The following VPS13B variants were observed in gnomAD, a reference collection of about 807,000 sequenced individuals.
VPS13B encodes the protein vacuolar protein sorting 13 homolog B.
A neutral mutation model predicts 426.4 loss-of-function variants in VPS13B; 285 were observed. The observed-to-expected ratio is 0.67, with a 90% CI of 0.61 to 0.74. The LOEUF is 0.74. Among genes scored for constraint, VPS13B ranks in the 30% least tolerant of loss-of-function variants. The pLI is 0.00. For synonymous variants in VPS13B, 1,676 were observed against 1,676.4 expected (o/e 1.00, Z 0.01); for missense variants, 4,537 against 4,782.6 (o/e 0.95, Z 1.51).
chr8:99,166,331 G>T (rs1812001528), intron 15 of VPS13B, among the ~76,000 whole-genome samples: 1 of 151,980 alleles, frequency 6.6e-6, no homozygotes, highest in African/African-American at 2.4e-5. Context: ...CTTTTTGGAG[G>T]GACAACATTT....
intron 21 of VPS13B, among the ~76,000 whole-genome samples, chr8:99,418,622 C>A (rs899890337): frequency 5.3e-5 from 8 of 151,736 alleles, no homozygotes; most frequent in African/African-American, 1.9e-4. Context: ...CATCTCAGCT[C>A]ACTGCAATCT....
intron 17 of VPS13B, chr8:99,241,003 T>C (rs964726418): frequency 1.3e-5 from 2 of 152,276 alleles, no homozygotes; most frequent in Non-Finnish European, 2.9e-5. Flanking sequence ...ATGCAGAGGA[T>C]ACAAAATTAC....
chr8:99,692,354 C>G (rs28778020), intron 35 of VPS13B, among the ~76,000 whole-genome samples: 31,958 of 131,732 alleles, frequency 0.24, 4,577 homozygotes, highest in South Asian at 0.5. Flanking sequence ...TCTCAGACCA[C>G]AGTGCAATCA....
intron 35 of VPS13B, among the ~76,000 whole-genome samples, chr8:99,672,712 T>C (rs1415015921): frequency 6.6e-6 from 1 of 152,154 alleles, no homozygotes; most frequent in Non-Finnish European, 1.5e-5. Context: ...GCCATTCTTG[T>C]AGGGTTCTAG....
chr8:99,083,668 C>T, intron 3 of VPS13B, among the ~76,000 whole-genome samples: 1 of 131,880 alleles, frequency 7.6e-6, no homozygotes, highest in East Asian at 2.1e-4. Context: ...TAGCATGAAG[C>T]GTTGTTGAAT....
chr8:99,187,300 A>G (rs530368526), intron 16 of VPS13B, among the ~76,000 whole-genome samples: 1 of 152,204 alleles, frequency 6.6e-6, no homozygotes, highest in Non-Finnish European at 1.5e-5. Flanking sequence ...TAAAATGCTT[A>G]TAGAATAAAA....
At chr8:99,060,485 T>G (rs2132296528) in intron 3 of VPS13B, among the ~76,000 whole-genome samples, 1 of 152,128 alleles carries the variant, frequency 6.6e-6, no homozygotes, top group East Asian at 1.9e-4. Context: ...GGCAGGCACC[T>G]GTAATCCCAG....
chr8:99,787,191 G>T (rs550010653), intron 43 of VPS13B, among the ~76,000 whole-genome samples: 2 of 152,212 alleles, frequency 1.3e-5, no homozygotes, highest in African/African-American at 2.4e-5. Flanking sequence ...CAAGAAAGTG[G>T]CAGTGACACC....
At chr8:99,703,134 G>T (rs933700676) in intron 36 of VPS13B, among the ~76,000 whole-genome samples, 11 of 152,082 alleles carry the variant, frequency 7.2e-5, no homozygotes, top group Non-Finnish European at 1.3e-4. Context: ...TTTATTTACT[G>T]ATTTATAAAA....
At chr8:99,615,982 A>G (rs1828068447) in intron 33 of VPS13B, among the ~76,000 whole-genome samples, 1 of 152,152 alleles carries the variant, frequency 6.6e-6, no homozygotes, top group South Asian at 2.1e-4. Context: ...AACCTAGTCT[A>G]TGATGATAAT....
At chr8:99,026,287 G>A (rs1048275069) in intron 2 of VPS13B, among the ~76,000 whole-genome samples, 1 of 151,886 alleles carries the variant, frequency 6.6e-6, no homozygotes, top group Non-Finnish European at 1.5e-5. Context: ...TTTAATTTTC[G>A]TGTATTTGTA....
intron 17 of VPS13B, among the ~76,000 whole-genome samples, chr8:99,269,273 CAG>C (rs1268654286): frequency 6.6e-6 from 1 of 152,100 alleles, no homozygotes; most frequent in Non-Finnish European, 1.5e-5. Flanking sequence ...ATTGACTGTG[CAG>C]TATAACTTAT....
chr8:99,699,738 G>A lies in VPS13B; in HGVS notation c.6260G>A (p.Gly2087Asp), dbSNP rs1184175662. The A allele has an allele frequency of 5.0e-6, 8 of 1,614,108 alleles. 1 individual carries two copies. The Admixed American group carries it at 1.0e-4, about 20-fold the overall frequency. ...RGKLSKPKIH[G>D]DGVQKISAQE... ...AAGTTGTCTAAACCCAAAATTCATG[G>A]TGATGGAGTGCAAAAGATTTCAGCT... Residue 2087 changes from glycine to aspartate, a missense_variant, in exon 36 of 62, where the codon GGT becomes GAT. Transcript: ENST00000357162.
rs1829544840 is a variant in VPS13B, at chr8:99,645,468, G to A, written c.5908+2970G>A. Among the ~76,000 whole-genome samples the A allele has an allele frequency of 2.0e-5, 3 of 152,172 alleles. No homozygotes were observed. In the South Asian group the frequency reaches 6.2e-4, roughly 31 times the overall value. The stretch of plus-strand genomic sequence containing the variant: ...TTATTCATGGCCCTGCCATCAATTA[G>A]TAAAGTGATCTTAGGCAGTTTACTC... On this transcript the variant is annotated intron_variant, in intron 34 of 61. Coordinates refer to ENST00000357162, the MANE Select transcript of VPS13B (RefSeq NM_152564.5).
intron 35 of VPS13B, chr8:99,697,860 G>A: frequency 1.8e-6 from 1 of 554,612 alleles, no homozygotes. Context: ...GACAAGAATG[G>A]CAAGGTCAAC....
intron 19 of VPS13B, among the ~76,000 whole-genome samples, chr8:99,359,552 C>T (rs1812378484): frequency 1.3e-5 from 2 of 152,042 alleles, no homozygotes; most frequent in South Asian, 2.1e-4. Context: ...TATATGACAT[C>T]TTTCATGTAA....
chr8:99,246,636 G>C (rs992289648), intron 17 of VPS13B, among the ~76,000 whole-genome samples: 2 of 152,114 alleles, frequency 1.3e-5, no homozygotes, highest in East Asian at 3.9e-4. Context: ...GGGAGGCCGA[G>C]GTGGGTGGAT....
intron 12 of VPS13B, among the ~76,000 whole-genome samples, chr8:99,138,834 G>T (rs977732624): frequency 2.0e-5 from 3 of 152,166 alleles, no homozygotes; most frequent in Non-Finnish European, 2.9e-5. Context: ...ATGTGCTGTG[G>T]ATTCCATGTC....
At chr8:99,803,138 A>G (rs1813213187) in intron 43 of VPS13B, among the ~76,000 whole-genome samples, 1 of 152,190 alleles carries the variant, frequency 6.6e-6, no homozygotes. Context: ...TTACCTTAGG[A>G]TAGATTATTT....
Sources: allele counts gnomAD v4.1 joint callset (sites outside exome capture counted in the v4.1 genomes callset), GRCh38; gene constraint gnomAD v4.1.1; transcripts MANE v1.5; gene names NCBI Gene and HGNC (gene_info 2026-07-23, HGNC 2026-07-21).